Variants in ZNF407 observed in about 807,000 individuals in gnomAD.
ZNF407 encodes zinc finger protein 407.
A neutral mutation model predicts 131.2 loss-of-function variants in ZNF407; 17 were observed. The observed-to-expected ratio is 0.13, with a 90% CI of 0.09 to 0.19. The LOEUF (loss-of-function observed/expected upper bound fraction) is 0.19, where lower values mean the gene tolerates loss of function less well. ZNF407 is among the 10% of genes least tolerant of loss of function. The pLI, the probability that ZNF407 is intolerant of heterozygous loss-of-function variation, is 1.00. For missense variants in ZNF407, 2,681 were observed against 2,830.6 expected, an observed-to-expected ratio of 0.95 and a Z score of 1.20; for synonymous variants, 1,156 against 1,062.0, an observed-to-expected ratio of 1.09 and a Z score of -1.72.
At chr18:74,749,165 G>A (rs1266605206) in intron 3 of ZNF407, among the ~76,000 whole-genome samples, 1 of 152,106 alleles carries the variant, frequency 6.6e-6, no homozygotes, top group Non-Finnish European at 1.5e-5. Context: ...ACTGTACCAT[G>A]CAAAATAGCT....
At chr18:74,942,708 G>T (rs1053284325) in intron 8 of ZNF407, among the ~76,000 whole-genome samples, 1 of 152,098 alleles carries the variant, frequency 6.6e-6, no homozygotes, top group African/African-American at 2.4e-5. Context: ...CATCTGGGGC[G>T]CTTCCTCTCC....
intron 2 of ZNF407, 66 bp from the exon 3 acceptor site, chr18:74,640,940 CCT>C (rs760997349): frequency 8.5e-6 from 10 of 1,171,812 alleles, no homozygotes; most frequent in Non-Finnish European, 1.3e-5. Context: ...AAGATTTAGT[CCT>C]CTTTTCTAAG....
intron 3 of ZNF407, among the ~76,000 whole-genome samples, chr18:74,731,450 C>A (rs1481929966): frequency 6.6e-6 from 1 of 152,148 alleles, no homozygotes; most frequent in Non-Finnish European, 1.5e-5. Context: ...TCACCTACTT[C>A]TAAAAAGTGA....
intron 7 of ZNF407, among the ~76,000 whole-genome samples, chr18:74,893,381 C>G (rs1458713260): frequency 6.6e-6 from 1 of 152,162 alleles, no homozygotes; most frequent in Non-Finnish European, 1.5e-5. Flanking sequence ...TGAACACTTT[C>G]TGTTCCTGGG....
Position 74,635,567 on chromosome 18 carries a change from G to A in ZNF407, c.4548G>A (p.Val1516=). Residue 1516 remains valine (V), a synonymous_variant, in exon 2 of 9, where the codon GTG becomes GTA. Coordinates refer to ENST00000299687, the MANE Select transcript of ZNF407 (RefSeq NM_017757.3). The surrounding 1 kb of genome is among the most constrained non-coding windows in gnomAD (Gnocchi z 4.7). The part of the protein sequence containing the change: ...KGQHEELLRE[V]NKYIVEDTEQ... The stretch of plus-strand genomic sequence containing the variant: ...AGCATGAGGAATTGCTGCGGGAGGT[G>A]AATAAGTATATAGTGGAAGACACTG... The A allele has an allele frequency of 6.2e-7, 1 of 1,613,944 alleles. No individual in the cohort carries two copies. The highest frequency in any genetic ancestry group is 8.5e-7 in the Non-Finnish European group (1 of 1,179,846).
intron 8 of ZNF407, among the ~76,000 whole-genome samples, chr18:74,947,521 A>T (rs2145275323): frequency 6.6e-6 from 1 of 152,322 alleles, no homozygotes; most frequent in Admixed American, 6.5e-5. Context: ...AGGACGTGAA[A>T]GTAACGGAAG....
chr18:74,843,932 T>C (rs1341726986), intron 4 of ZNF407, among the ~76,000 whole-genome samples: 1 of 152,200 alleles, frequency 6.6e-6, no homozygotes, highest in Non-Finnish European at 1.5e-5. Flanking sequence ...TTATTAAATA[T>C]GCAACTTAGT....
intron 3 of ZNF407, among the ~76,000 whole-genome samples, chr18:74,733,029 A>G (rs1358359723): frequency 6.6e-6 from 1 of 152,140 alleles, no homozygotes; most frequent in East Asian, 1.9e-4. Context: ...TTACACATAG[A>G]CATGGTTTTA....
chr18:74,887,835 A>G (rs776708283), intron 6 of ZNF407, among the ~76,000 whole-genome samples: 13 of 152,180 alleles, frequency 8.5e-5, no homozygotes, highest in Non-Finnish European at 1.5e-4. Context: ...CAAGTGAAAT[A>G]TGGCAAAACT....
intron 6 of ZNF407, among the ~76,000 whole-genome samples, chr18:74,883,537 A>T (rs948094755): frequency 6.6e-6 from 1 of 152,198 alleles, no homozygotes; most frequent in African/African-American, 2.4e-5. Flanking sequence ...GGGGGCTGAC[A>T]CAAAACATCT....
At chr18:74,985,000 G>A (rs975560942) in intron 8 of ZNF407, among the ~76,000 whole-genome samples, 2 of 152,154 alleles carry the variant, frequency 1.3e-5, no homozygotes, top group East Asian at 3.8e-4. Context: ...TAGTGTGCTA[G>A]CTCTCAGCAA....
chr18:74,834,089 A>G (rs1024726316), intron 4 of ZNF407, among the ~76,000 whole-genome samples: 7 of 152,166 alleles, frequency 4.6e-5, no homozygotes, highest in African/African-American at 1.7e-4. Context: ...ACCTTTATCA[A>G]ACTTTGCTGT....
intron 4 of ZNF407, among the ~76,000 whole-genome samples, chr18:74,783,686 C>T (rs1168561660): frequency 6.6e-6 from 1 of 152,064 alleles, no homozygotes; most frequent in East Asian, 1.9e-4. Flanking sequence ...TCCCCTCTGA[C>T]ACATGGTAAG....
chr18:74,765,546 C>G (rs1340307278), intron 3 of ZNF407, among the ~76,000 whole-genome samples: 1 of 152,168 alleles, frequency 6.6e-6, no homozygotes, highest in Non-Finnish European at 1.5e-5. Context: ...CCCTTGAGCC[C>G]GCAGGTCTCT....
chr18:74,816,283 G>C (rs1266249237), intron 4 of ZNF407, among the ~76,000 whole-genome samples: 5 of 152,144 alleles, frequency 3.3e-5, no homozygotes, highest in Non-Finnish European at 7.4e-5. Context: ...TTTTCTGAAA[G>C]AGCTGAGTGG....
At chr18:74,993,119 C>T (rs570312033) in intron 8 of ZNF407, among the ~76,000 whole-genome samples, 4 of 152,166 alleles carry the variant, frequency 2.6e-5, no homozygotes, top group African/African-American at 4.8e-5. Flanking sequence ...TATGACCCAA[C>T]GATTCCACTC....
At chr18:74,706,396 T>C (rs1389584183) in intron 3 of ZNF407, among the ~76,000 whole-genome samples, 1 of 152,216 alleles carries the variant, frequency 6.6e-6, no homozygotes, top group Non-Finnish European at 1.5e-5. Flanking sequence ...TTGACAATGA[T>C]TGCCTTAAAT....
rs767979557 is a variant in ZNF407, at chr18:74,635,705, A to C, written c.4686A>C (p.Thr1562=). 1.3e-6 allele frequency: 2 copies of C among 1,575,390 alleles called. No individual in the cohort carries two copies. Among genetic ancestry groups the C allele is most frequent in the Non-Finnish European group, 1.7e-6 (2 of 1,160,928 alleles). Reference sequence around the variant, plus strand: ...TCCTGGCACACATTCGCACTCACACAGGTATGTAGCTCTGCAGCAAGCCAA... The same window carrying C: ...TCCTGGCACACATTCGCACTCACACCGGTATGTAGCTCTGCAGCAAGCCAA... ...MAFLAHIRTH[T]GSKPFKCKIC... The change falls in exon 2 of 9, where the codon ACA becomes ACC. Residue 1562 remains threonine (T), a splice_region_variant and synonymous_variant. Transcript: ENST00000299687. This position sits in a 1 kb window ranked among gnomAD's most constrained non-coding sequence, Gnocchi z 4.7.
At position 74,723,847 on chromosome 18, in the gene ZNF407, C is replaced by A. The variant is rs565583155; in HGVS notation, c.4803-57581C>A. 1.4e-4 allele frequency among the ~76,000 whole-genome samples: 22 copies of A among 151,756 alleles called. 1 individual carries two copies. Among genetic ancestry groups the A allele is most frequent in the South Asian group, 4.2e-4 (2 of 4,802 alleles). On this transcript the variant is annotated intron_variant, in intron 3 of 8. Coordinates refer to ENST00000299687, the MANE Select transcript of ZNF407 (RefSeq NM_017757.3). Reference sequence around the variant, plus strand: ...GTTTGCTTCATGGTTTGGTTCTACTCCCAACCTCCAGCTTTTGTTTAATTT... The same window carrying A: ...GTTTGCTTCATGGTTTGGTTCTACTACCAACCTCCAGCTTTTGTTTAATTT...
Sources: allele counts gnomAD v4.1 joint callset (sites outside exome capture counted in the v4.1 genomes callset), GRCh38; gene constraint gnomAD v4.1.1; non-coding constraint Gnocchi (gnomAD v3.1); transcripts MANE v1.5; gene names NCBI Gene and HGNC (gene_info 2026-07-23, HGNC 2026-07-21).